The following CYTH1 variants were observed in gnomAD, a reference collection of about 807,000 sequenced individuals.
The protein encoded by CYTH1 is cytohesin 1, also known as cytohesin-1.
In CYTH1, 18 loss-of-function variants were observed where a neutral mutation model predicts 61.8. The ratio of observed to expected loss-of-function variants is 0.29; its 90% CI spans 0.20 to 0.43. CYTH1 has a LOEUF of 0.43. Ranked by LOEUF, CYTH1 falls within the 20% of genes least tolerant of loss-of-function variation. The probability of loss-of-function intolerance (pLI) is 1.00; values close to 1 mark genes in which losing one functional copy is unlikely to be tolerated. For synonymous variants in CYTH1, 174 were observed against 184.3 expected, an observed-to-expected ratio of 0.94 and a Z score of 0.45; for missense variants, 336 against 510.5, an observed-to-expected ratio of 0.66 and a Z score of 3.29.
chr17:78,782,076 CG>C (rs2093521113), intron 1 of CYTH1, 125 bp downstream of exon 1: 1 of 889,994 alleles, frequency 1.1e-6, no homozygotes, highest in South Asian at 5.0e-5. Context: ...CCGGTCGCCC[CG>C]GGCTCCGCGT....
intron 1 of CYTH1, among the ~76,000 whole-genome samples, chr17:78,750,390 A>T (rs2093375412): frequency 6.6e-6 from 1 of 152,080 alleles, no homozygotes; most frequent in Non-Finnish European, 1.5e-5. Context: ...ACTGTGAGAG[A>T]CCCTGTAGGT....
chr17:78,761,878 A>T (rs908718427), intron 1 of CYTH1, among the ~76,000 whole-genome samples: 1 of 152,250 alleles, frequency 6.6e-6, no homozygotes, highest in African/African-American at 2.4e-5. Flanking sequence ...GAACAGTAGT[A>T]GTCAGCTAGA....
chr17:78,676,761 C>T (rs1000693412), intron 13 of CYTH1: 25 of 345,518 alleles, frequency 7.2e-5, no homozygotes, highest in South Asian at 4.8e-4. Flanking sequence ...GGAGGGGGCC[C>T]GAGCTCATGC....
chr17:78,763,968 A>C (rs766567431), intron 1 of CYTH1, among the ~76,000 whole-genome samples: 1 of 152,006 alleles, frequency 6.6e-6, no homozygotes, highest in Non-Finnish European at 1.5e-5. Context: ...AAAATTAGCC[A>C]GGCACAGTGG....
At chr17:78,707,393 G>GA (rs1000801160) in intron 3 of CYTH1, among the ~76,000 whole-genome samples, 7 of 146,304 alleles carry the variant, frequency 4.8e-5, no homozygotes, top group Non-Finnish European at 4.5e-5. Context: ...AAAATAAAAG[G>GA]AAAAAAAAAA....
At chr17:78,685,980 C>T (rs946873629) in intron 11 of CYTH1, among the ~76,000 whole-genome samples, 3 of 151,064 alleles carry the variant, frequency 2.0e-5, no homozygotes, top group Admixed American at 2.0e-4. Context: ...TTGGAGCGAC[C>T]CTTTCTGTAA....
intron 11 of CYTH1, chr17:78,691,341 A>G (rs2092883751): frequency 6.6e-6 from 1 of 152,266 alleles, no homozygotes; most frequent in African/African-American, 2.4e-5. Flanking sequence ...GATGGAGAAC[A>G]ACGCTAAGTG....
At chr17:78,737,364 T>G (rs1480014080) in intron 1 of CYTH1, among the ~76,000 whole-genome samples, 1 of 152,218 alleles carries the variant, frequency 6.6e-6, no homozygotes, top group Non-Finnish European at 1.5e-5. Context: ...TCTGTATGTA[T>G]TCAGTACAGG....
chr17:78,691,494 T>TTTA (rs2144165153), intron 11 of CYTH1: 1 of 152,368 alleles, frequency 6.6e-6, no homozygotes, highest in East Asian at 1.9e-4. Context: ...TCTAAACTGA[T>TTTA]TTTAAAAGAT....
chr17:78,739,895 C>T (rs191714053), intron 1 of CYTH1, among the ~76,000 whole-genome samples: 8 of 152,024 alleles, frequency 5.3e-5, no homozygotes, highest in South Asian at 4.2e-4. Context: ...AGGGTGACTC[C>T]GAGCTTTCTG....
chr17:78,716,190 T>G (rs575607237), intron 1 of CYTH1, among the ~76,000 whole-genome samples: 13 of 152,126 alleles, frequency 8.5e-5, no homozygotes, highest in Non-Finnish European at 1.5e-4. Context: ...AATCACCAAT[T>G]TAAGAACTTG....
At chr17:78,702,471 G>A in intron 4 of CYTH1, 67 bp downstream of exon 4, 1 of 1,530,660 alleles carries the variant, frequency 6.5e-7, no homozygotes, top group Non-Finnish European at 9.0e-7. Flanking sequence ...ACGTTTTTAG[G>A]GTCTATCTGA....
intron 1 of CYTH1, 122 bp downstream of exon 1, chr17:78,782,080 C>A (rs2093521147): frequency 1.1e-6 from 1 of 915,022 alleles, no homozygotes; most frequent in Non-Finnish European, 1.4e-6. Context: ...TCGCCCCGGG[C>A]TCCGCGTCCC....
intron 11 of CYTH1, among the ~76,000 whole-genome samples, chr17:78,685,467 T>C (rs1424772858): frequency 2.7e-5 from 4 of 146,822 alleles, no homozygotes; most frequent in Middle Eastern, 3.5e-3. Flanking sequence ...ATTAGCTCTA[T>C]ATTTAAGTTT....
intron 1 of CYTH1, among the ~76,000 whole-genome samples, chr17:78,755,378 C>G (rs1253009754): frequency 2.6e-5 from 4 of 151,910 alleles, no homozygotes; most frequent in Non-Finnish European, 5.9e-5. Flanking sequence ...AAGTGATCCG[C>G]TCGCCTCGGC....
chr17:78,711,293 TAAATAAATA>T (rs1567851935), intron 1 of CYTH1, among the ~76,000 whole-genome samples: 20 of 114,104 alleles, frequency 1.8e-4, no homozygotes, highest in East Asian at 1.6e-3. Context: ...AATAAATAAA[TAAATAAATA>T]ATATATATAT....
intron 1 of CYTH1, among the ~76,000 whole-genome samples, chr17:78,774,484 GAAA>G (rs1178963500): frequency 6.6e-6 from 1 of 151,964 alleles, no homozygotes; most frequent in Non-Finnish European, 1.5e-5. Flanking sequence ...GAGAGTTGAG[GAAA>G]AAAACTCAAA....
At chr17:78,711,018 T>G (rs1306847487) in intron 1 of CYTH1, among the ~76,000 whole-genome samples, 3 of 152,006 alleles carry the variant, frequency 2.0e-5, no homozygotes, top group Non-Finnish European at 1.5e-5. Flanking sequence ...ATCCCAGCAC[T>G]TTGAGAGGCC....
intron 1 of CYTH1, chr17:78,723,249 TG>T (rs1173166579): frequency 6.5e-6 from 1 of 153,176 alleles, no homozygotes; most frequent in Non-Finnish European, 1.5e-5. Context: ...CCCAGTGTCC[TG>T]GCCAGCCCTG....
Sources: allele counts gnomAD v4.1 joint callset (sites outside exome capture counted in the v4.1 genomes callset), GRCh38; gene constraint gnomAD v4.1.1; transcripts MANE v1.5; gene names NCBI Gene and HGNC (gene_info 2026-07-23, HGNC 2026-07-21).